PDE4D: variants seen among roughly 807,000 people sequenced by gnomAD.
PDE4D encodes phosphodiesterase 4D, also known as 3',5'-cyclic-AMP phosphodiesterase 4D.
Under a neutral mutation model 87.4 loss-of-function variants are expected in PDE4D, and 24 were observed. The ratio of observed to expected loss-of-function variants is 0.27; its 90% CI spans 0.20 to 0.39. The LOEUF (loss-of-function observed/expected upper bound fraction) is 0.39, where lower values mean the gene tolerates loss of function less well. PDE4D is among the 10% of genes least tolerant of loss of function. The probability of loss-of-function intolerance (pLI) is 1.00; values close to 1 mark genes in which losing one functional copy is unlikely to be tolerated. For synonymous variants in PDE4D, 384 were observed against 383.2 expected (o/e 1.00, Z -0.02); for missense variants, 714 against 1,041.0 (o/e 0.69, Z 4.32).
intron 1 of PDE4D, among the ~76,000 whole-genome samples, chr5:59,590,033 A>C (rs930295297): frequency 6.6e-6 from 1 of 152,144 alleles, no homozygotes; most frequent in Non-Finnish European, 1.5e-5. Flanking sequence ...AGTTCAGAGA[A>C]TCAAGACTAC....
chr5:59,627,587 A>G (rs527741348), intron 1 of PDE4D, among the ~76,000 whole-genome samples: 1 of 152,294 alleles, frequency 6.6e-6, no homozygotes, highest in South Asian at 2.1e-4. Context: ...TGCCTCCTTT[A>G]GGGGTGTGGT....
At chr5:59,535,825 G>A (rs1815100549) in intron 1 of PDE4D, among the ~76,000 whole-genome samples, 1 of 152,144 alleles carries the variant, frequency 6.6e-6, no homozygotes, top group South Asian at 2.1e-4. Flanking sequence ...ATTTTGAGGG[G>A]GTTAATTTTT....
At chr5:59,125,159 A>T (rs1030372160) in intron 5 of PDE4D, 1 of 344,326 alleles carries the variant, frequency 2.9e-6, no homozygotes, top group Non-Finnish European at 4.1e-6. Context: ...CAGTTAGAAG[A>T]GATTGAGCTA....
intron 1 of PDE4D, among the ~76,000 whole-genome samples, chr5:60,213,539 G>A (rs1044753998): frequency 6.6e-6 from 1 of 152,102 alleles, no homozygotes; most frequent in African/African-American, 2.4e-5. Flanking sequence ...CTCCCCTCCC[G>A]ATTCTTTTCG....
intron 5 of PDE4D, among the ~76,000 whole-genome samples, chr5:59,105,029 C>T (rs1257379462): frequency 2.0e-5 from 3 of 152,180 alleles, no homozygotes; most frequent in Non-Finnish European, 4.4e-5. Context: ...ATTCTTGGCA[C>T]GTACTTCTGT....
chr5:60,115,535 C>A (rs1017567076), intron 2 of PDE4D, among the ~76,000 whole-genome samples: 1 of 152,112 alleles, frequency 6.6e-6, no homozygotes, highest in Non-Finnish European at 1.5e-5. Context: ...ACTATATGTT[C>A]ACTATCTTGT....
At chr5:60,430,951 C>A (rs1744207614) in intron 1 of PDE4D, 1 of 288,324 alleles carries the variant, frequency 3.5e-6, no homozygotes, top group South Asian at 2.7e-5. Flanking sequence ...TCTTTCTACA[C>A]AGACACAGCA....
chr5:60,324,507 G>A (rs1361203783), intron 1 of PDE4D, among the ~76,000 whole-genome samples: 1 of 152,194 alleles, frequency 6.6e-6, no homozygotes, highest in Non-Finnish European at 1.5e-5. Flanking sequence ...GCATGGTACT[G>A]TGCACCTGTA....
chr5:60,018,625 A>G (rs1765748874), intron 2 of PDE4D, among the ~76,000 whole-genome samples: 1 of 152,226 alleles, frequency 6.6e-6, no homozygotes. Context: ...CAAAGGCTCA[A>G]AATAAAGGGA....
At position 59,511,268 on chromosome 5, in the gene PDE4D, T is replaced by C. The variant is rs79643238; in HGVS notation, c.456-295300A>G. Among the ~76,000 whole-genome samples the C allele has an allele frequency of 2.3e-4, 35 of 152,040 alleles. No homozygotes were observed. The East Asian group carries it at 6.7e-3, about 29-fold the overall frequency. On this transcript the variant is annotated intron_variant, in intron 1 of 14. Coordinates refer to ENST00000340635, the MANE Select transcript of PDE4D (RefSeq NM_001104631.2). ...AAGTTTCGATTAAGTCAGAATATTA[T>C]GTAGTAATCAAAATGATACATGAGA...
At chr5:60,015,447 G>C (rs1002140951) in intron 2 of PDE4D, among the ~76,000 whole-genome samples, 1 of 152,110 alleles carries the variant, frequency 6.6e-6, no homozygotes, top group African/African-American at 2.4e-5. Flanking sequence ...GGACTCCTGA[G>C]CTCAGGTCTG....
chr5:60,270,003 C>T (rs1750648120), intron 1 of PDE4D, among the ~76,000 whole-genome samples: 1 of 152,144 alleles, frequency 6.6e-6, no homozygotes, highest in Admixed American at 6.5e-5. Context: ...GACAGTGAGA[C>T]TGAACATGAA....
intron 1 of PDE4D, among the ~76,000 whole-genome samples, chr5:59,514,108 C>CT (rs766645707): frequency 0.052 from 7,268 of 139,956 alleles, 221 homozygotes; most frequent in Admixed American, 0.093. Flanking sequence ...TTACATTTTT[C>CT]TTTTTTTTTT....
chr5:59,864,153 C>T (rs79233376), intron 1 of PDE4D, among the ~76,000 whole-genome samples: 7 of 152,210 alleles, frequency 4.6e-5, no homozygotes, highest in Admixed American at 2.6e-4. Context: ...GTGCGATGTG[C>T]GGGTAGACAT....
chr5:59,429,628 G>A (rs1289620285), intron 1 of PDE4D, among the ~76,000 whole-genome samples: 1 of 152,052 alleles, frequency 6.6e-6, no homozygotes, highest in Non-Finnish European at 1.5e-5. Flanking sequence ...AGAGAGAATG[G>A]AACATCTTTA....
chr5:59,102,778 T>C (rs1478895476), intron 5 of PDE4D, among the ~76,000 whole-genome samples: 3 of 152,182 alleles, frequency 2.0e-5, no homozygotes, highest in South Asian at 2.1e-4. Flanking sequence ...TTGTGGGGCA[T>C]AGGGCTCTGT....
intron 3 of PDE4D, among the ~76,000 whole-genome samples, chr5:59,918,265 T>C (rs1030047351): frequency 6.6e-6 from 1 of 152,310 alleles, no homozygotes; most frequent in Non-Finnish European, 1.5e-5. Flanking sequence ...GTATTTTTTT[T>C]TTAAAGAGGC....
chr5:60,228,015 C>T (rs1342980360), intron 1 of PDE4D, among the ~76,000 whole-genome samples: 1 of 151,970 alleles, frequency 6.6e-6, no homozygotes, highest in Non-Finnish European at 1.5e-5. Context: ...ACCTCAAGGT[C>T]GCCTGCTGGA....
At chr5:60,082,730 A>T (rs1043317183) in intron 2 of PDE4D, among the ~76,000 whole-genome samples, 8 of 152,132 alleles carry the variant, frequency 5.3e-5, no homozygotes, top group Admixed American at 1.3e-4. Flanking sequence ...GGAATGTCAC[A>T]TATCTGGGTA....
Sources: allele counts gnomAD v4.1 joint callset (sites outside exome capture counted in the v4.1 genomes callset), GRCh38; gene constraint gnomAD v4.1.1; transcripts MANE v1.5; gene names NCBI Gene and HGNC (gene_info 2026-07-23, HGNC 2026-07-21).